CECR2: variants seen among roughly 807,000 people sequenced by gnomAD.
The protein encoded by CECR2 is chromatin remodeling regulator CECR2.
CECR2 carries 30 observed loss-of-function variants against 154.5 expected under a neutral mutation model. The observed-to-expected ratio is 0.19, with a 90% confidence interval of 0.15 to 0.26. The LOEUF is 0.26. Among genes scored for constraint, CECR2 ranks in the 10% least tolerant of loss-of-function variants. The pLI is 1.00. For missense variants in CECR2, 1,743 were observed against 1,829.3 expected, an observed-to-expected ratio of 0.95 and a Z score of 0.86; for synonymous variants, 725 against 683.7, an observed-to-expected ratio of 1.06 and a Z score of -0.94.
chr22:17,406,651 A>G (rs1166351213), intron 1 of CECR2, among the ~76,000 whole-genome samples: 2 of 152,194 alleles, frequency 1.3e-5, no homozygotes, highest in Non-Finnish European at 2.9e-5. Flanking sequence ...GAAATATGAA[A>G]TGATTCATTT....
At chr22:17,368,805 C>T (rs1464661163), upstream of CECR2, among the ~76,000 whole-genome samples, 1 of 152,126 alleles carries the variant, frequency 6.6e-6, no homozygotes, top group Non-Finnish European at 1.5e-5. Context: ...GCTCTTCCCG[C>T]TTGGCTGCTG....
intron 8 of CECR2, 65 bp downstream of exon 8, chr22:17,511,961 A>G: frequency 8.2e-7 from 1 of 1,212,896 alleles, no homozygotes; most frequent in East Asian, 2.5e-5. Flanking sequence ...CTTTTCATGT[A>G]CTTCCATTCC....
In CECR2 at chr22:17,554,933, T is replaced by G. The variant is rs1461784549; in HGVS notation, c.*2093T>G. 1 of 152,298 alleles carries G rather than the reference T, an allele frequency of 6.6e-6. No homozygotes were observed. Among genetic ancestry groups the G allele is most frequent in the Non-Finnish European group, 1.5e-5 (1 of 68,084 alleles). 9.4% of individuals were successfully genotyped at this position (152,298 alleles called of 1,614,324 possible). A position where few individuals can be genotyped will look rare whatever the true frequency, so the allele number is the denominator to read the frequency against. Reference sequence around the variant, plus strand: ...AGTTTGGAGCTGGTTAGACCTGGTCTAGGCCCAGAGAATTTGGCCACTGAC... The same window carrying G: ...AGTTTGGAGCTGGTTAGACCTGGTCGAGGCCCAGAGAATTTGGCCACTGAC... On this transcript the variant is annotated 3_prime_UTR_variant, in exon 19 of 19. Coordinates refer to ENST00000262608, the MANE Select transcript of CECR2 (RefSeq NM_001290047.2).
intron 2 of CECR2, among the ~76,000 whole-genome samples, chr22:17,496,157 G>A (rs1256343792): frequency 6.6e-6 from 1 of 152,126 alleles, no homozygotes; most frequent in Non-Finnish European, 1.5e-5. Flanking sequence ...CTTGAGCCCT[G>A]GAGTTCAAGA....
In CECR2 at chr22:17,497,454, G is replaced by T; in HGVS notation, c.273G>T (p.Glu91Asp). ...AGGACATCATCAACTACCGCTGGGAGCTCGAAGAAGGGAAGCCCAACCCTC... is the reference window on the plus strand; with the variant it reads ...AGGACATCATCAACTACCGCTGGGATCTCGAAGAAGGGAAGCCCAACCCTC... The part of the protein sequence containing the change: ...YLEDIINYRW[E>D]LEEGKPNPLR... Residue 91 changes from glutamate to aspartate, a missense_variant, in exon 3 of 19, where the codon GAG becomes GAT. By Grantham distance (45) the Glu-to-Asp change is conservative. Transcript: ENST00000262608. 6.2e-7 allele frequency: 1 copy of T among 1,613,950 alleles called. No individual in the cohort carries two copies. Among genetic ancestry groups the T allele is most frequent in the Non-Finnish European group, 8.5e-7 (1 of 1,179,880 alleles).
chr22:17,535,495 A>G (rs1202676832), intron 9 of CECR2, among the ~76,000 whole-genome samples: 3 of 152,168 alleles, frequency 2.0e-5, no homozygotes, highest in African/African-American at 7.2e-5. Flanking sequence ...CTTTGTTGAT[A>G]CTATTGTTTA....
chr22:17,548,154 C>G lies in CECR2; in HGVS notation c.2867C>G (p.Pro956Arg), dbSNP rs777735148. 3 of 1,524,378 alleles carry G rather than the reference C, an allele frequency of 2.0e-6. No homozygotes were observed. Among genetic ancestry groups the G allele is most frequent in the Non-Finnish European group, 1.8e-6 (2 of 1,135,526 alleles). The allele number at this position is 1,524,378 out of a possible 1,614,324, so 94.4% of individuals were successfully genotyped here. The stretch of plus-strand genomic sequence containing the variant: ...TTTTTTTTTTTTTTTGCAGCAGAGC[C>G]GTTGCCTGGCCTTGAAGAGAAACCA... The part of the protein sequence containing the change: ...AQEPENDQAE[P>R]LPGLEEKPPG... The change falls in exon 17 of 19, where the codon CCG becomes CGG. Residue 956 changes from proline (P) to arginine (R), a missense_variant. Pro to Arg is a moderately radical substitution (Grantham distance 103, BLOSUM62 -2). Around this residue, in one of 4 missense-constraint regions of CECR2, gnomAD observed 1,250 missense variants for 1,192.1 expected, o/e 1.05. Transcript: ENST00000262608.
chr22:17,440,017 C>T (rs1021079383), intron 1 of CECR2, among the ~76,000 whole-genome samples: 1 of 151,164 alleles, frequency 6.6e-6, no homozygotes, highest in African/African-American at 2.4e-5. Flanking sequence ...AGGCCTACGC[C>T]CATACATTGA....
chr22:17,532,499 C>G (rs893144291), intron 9 of CECR2, among the ~76,000 whole-genome samples: 1 of 151,912 alleles, frequency 6.6e-6, no homozygotes, highest in Non-Finnish European at 1.5e-5. Flanking sequence ...TAGAAGTGTT[C>G]CCTTTAAAGT....
chr22:17,399,727 T>C (rs563340765), intron 1 of CECR2, among the ~76,000 whole-genome samples: 48 of 152,160 alleles, frequency 3.2e-4, no homozygotes, highest in Non-Finnish European at 6.0e-4. Context: ...GATTTTTATA[T>C]GGGAGGATGA....
At chr22:17,547,186 T>C (rs924219545) in intron 16 of CECR2, among the ~76,000 whole-genome samples, 4 of 152,000 alleles carry the variant, frequency 2.6e-5, no homozygotes, top group Admixed American at 2.0e-4. Context: ...CATAGGAGTC[T>C]AATTAATTTG....
chr22:17,496,745 C>G (rs2146867669), intron 2 of CECR2, among the ~76,000 whole-genome samples: 1 of 152,320 alleles, frequency 6.6e-6, no homozygotes, highest in East Asian at 1.9e-4. Context: ...ACTGTCTGAA[C>G]CGCAGGGTGT....
intron 13 of CECR2, 79 bp from the exon 14 acceptor site, chr22:17,540,333 A>C (rs759157121): frequency 1.1e-5 from 14 of 1,284,336 alleles, no homozygotes; most frequent in Non-Finnish European, 1.0e-5. Flanking sequence ...TTCTGTTTCT[A>C]TAGTTTCTAT....
intron 8 of CECR2, among the ~76,000 whole-genome samples, chr22:17,514,800 G>A (rs944101468): frequency 9.9e-5 from 15 of 152,032 alleles, no homozygotes; most frequent in African/African-American, 1.4e-4. Flanking sequence ...TTGGGAGGCC[G>A]AGTTGGGCAG....
upstream of CECR2, among the ~76,000 whole-genome samples, chr22:17,368,106 T>C (rs1459313296): frequency 6.6e-6 from 1 of 152,172 alleles, no homozygotes; most frequent in East Asian, 1.9e-4. Context: ...CACGTGAATA[T>C]ACTCTAACCA....
intron 1 of CECR2, among the ~76,000 whole-genome samples, chr22:17,452,935 A>G (rs2054794335): frequency 6.6e-6 from 1 of 152,124 alleles, no homozygotes; most frequent in Non-Finnish European, 1.5e-5. Flanking sequence ...CATTAGCAGT[A>G]AGCCCTGTGG....
chr22:17,402,433 C>A (rs753419185), intron 1 of CECR2, among the ~76,000 whole-genome samples: 1 of 152,178 alleles, frequency 6.6e-6, no homozygotes, highest in African/African-American at 2.4e-5. Context: ...ATATTTTACA[C>A]CAAATGGTCT....
intron 1 of CECR2, among the ~76,000 whole-genome samples, chr22:17,387,377 A>G (rs2063275624): frequency 6.6e-6 from 1 of 152,226 alleles, no homozygotes; most frequent in Non-Finnish European, 1.5e-5. Context: ...AGCGTAACCT[A>G]GGAAATACAA....
At position 17,477,650 on chromosome 22, in the gene CECR2, G is replaced by C; in HGVS notation, c.189G>C (p.Leu63=). The part of the protein sequence containing the change: ...VEFISDLIAC[L]LQGCYQRRDI... ...TTATCAGTGACCTGATTGCCTGCCT[G>C]CTTCAGGGCTGCTATCAACGAAGAG... The change falls in exon 2 of 19, where the codon CTG becomes CTC. Residue 63 remains leucine, a synonymous_variant. Transcript: ENST00000262608. 1 of 1,612,852 alleles carries C rather than the reference G, an allele frequency of 6.2e-7. No homozygotes were observed. The highest frequency in any genetic ancestry group is 8.5e-7 in the Non-Finnish European group (1 of 1,178,926).
Sources: allele counts gnomAD v4.1 joint callset (sites outside exome capture counted in the v4.1 genomes callset), GRCh38; gene constraint gnomAD v4.1.1; regional missense constraint gnomAD v4.1.1; transcripts MANE v1.5; gene names NCBI Gene and HGNC (gene_info 2026-07-23, HGNC 2026-07-21).